VWA3B: variants seen among roughly 807,000 people sequenced by gnomAD.
VWA3B encodes the protein von Willebrand factor A domain-containing protein 3B.
VWA3B carries 138 observed loss-of-function variants against 158.3 expected under a neutral mutation model. The observed-to-expected ratio is 0.87, with a 90% CI of 0.76 to 1.00. VWA3B has a LOEUF of 1.00. Ranked by LOEUF, VWA3B falls within the 50% of genes least tolerant of loss-of-function variation. The probability of loss-of-function intolerance (pLI) is 0.00; values close to 1 mark genes in which losing one functional copy is unlikely to be tolerated. For missense variants in VWA3B, 1,555 were observed against 1,565.1 expected (o/e 0.99, Z 0.11); for synonymous variants, 596 against 587.3 (o/e 1.01, Z -0.21).
At chr2:98,167,963 C>T (rs1232836625) in intron 8 of VWA3B, among the ~76,000 whole-genome samples, 1 of 152,150 alleles carries the variant, frequency 6.6e-6, no homozygotes, top group Non-Finnish European at 1.5e-5. Flanking sequence ...AAAGAACAAA[C>T]TATTTCTAGG....
At chr2:98,182,430 A>G (rs1379814170) in intron 9 of VWA3B, among the ~76,000 whole-genome samples, 2 of 152,238 alleles carry the variant, frequency 1.3e-5, no homozygotes, top group Non-Finnish European at 1.5e-5. Context: ...ACAAACTGCA[A>G]GGAAGAAAAT....
chr2:98,204,537 A>G (rs990350207), intron 12 of VWA3B, among the ~76,000 whole-genome samples: 2 of 152,186 alleles, frequency 1.3e-5, no homozygotes, highest in Non-Finnish European at 2.9e-5. Flanking sequence ...CCAAATTTTG[A>G]ACCAACTCTG....
Position 98,288,650 on chromosome 2 carries a change from A to G in VWA3B, c.3046-1861A>G, listed in dbSNP as rs184511500. ...ATAGTTCGCTATTTTATGATTTGCT[A>G]TATTTAAACTTTTAATTCCACTCTA... On this transcript the variant is annotated intron_variant, in intron 22 of 27. Coordinates refer to ENST00000477737, the MANE Select transcript of VWA3B (RefSeq NM_144992.5). Among the ~76,000 whole-genome samples the G allele has an allele frequency of 6.0e-3, 921 of 152,274 alleles. 6 individuals carry two copies. Among genetic ancestry groups the G allele is most frequent in the African/African-American group, 0.021 (879 of 41,562 alleles).
intron 7 of VWA3B, among the ~76,000 whole-genome samples, chr2:98,157,904 G>T (rs961236724): frequency 2.6e-5 from 4 of 152,180 alleles, no homozygotes; most frequent in African/African-American, 4.8e-5. Flanking sequence ...GATCAGCACC[G>T]CACCTGCCTA....
chr2:98,265,770 TG>T (rs1387062329), intron 21 of VWA3B, among the ~76,000 whole-genome samples: 1 of 149,506 alleles, frequency 6.7e-6, no homozygotes, highest in Non-Finnish European at 1.5e-5. Context: ...ATTGTGGTTT[TG>T]ATTTGCATTT....
intron 8 of VWA3B, among the ~76,000 whole-genome samples, chr2:98,179,762 CCTTT>C (rs1405707916): frequency 3.5e-5 from 5 of 141,082 alleles, no homozygotes; most frequent in Non-Finnish European, 6.2e-5. Context: ...CTCCCTCCTT[CCTTT>C]CTCTCTTTCT....
chr2:98,103,006 T>C (rs1683192301), intron 2 of VWA3B, among the ~76,000 whole-genome samples: 1 of 152,260 alleles, frequency 6.6e-6, no homozygotes, highest in Non-Finnish European at 1.5e-5. Flanking sequence ...AGTATTTTCC[T>C]CAACAGTATT....
chr2:98,240,906 A>T (rs1481446910), intron 19 of VWA3B, among the ~76,000 whole-genome samples: 5 of 152,176 alleles, frequency 3.3e-5, no homozygotes, highest in Admixed American at 3.3e-4. Context: ...TTTTATTATA[A>T]AAATATTCAA....
Position 98,298,373 on chromosome 2 carries a change from G to GATTCTATTCTATTCTATTCTATTCT in VWA3B, c.3282+390_3282+414dup, listed in dbSNP as rs61254436. The stretch of plus-strand genomic sequence containing the variant: ...ACTGTGGACACTTTTAACTACAAAA[G>GATTCTATTCTATTCTATTCTATTCT]ATTCTATTCTATTCTATTCTATTCT... On this transcript the variant is annotated intron_variant, in intron 24 of 27. Coordinates refer to ENST00000477737, the MANE Select transcript of VWA3B (RefSeq NM_144992.5). Among the ~76,000 whole-genome samples the GATTCTATTCTATTCTATTCTATTCT allele has an allele frequency of 1.3e-3, 155 of 122,344 alleles. 1 individual carries two copies. Among genetic ancestry groups the GATTCTATTCTATTCTATTCTATTCT allele is most frequent in the East Asian group, 9.5e-3 (37 of 3,906 alleles). 80.3% of individuals were successfully genotyped at this position (122,344 alleles called of 152,430 possible).
At position 98,185,215 on chromosome 2, in the gene VWA3B, G is replaced by A. The variant is rs1056384033; in HGVS notation, c.1312-2760G>A. ...ATCTGTAGGTTGTTTATTCTCTTGC[G>A]CTATTCCCACCCATCTGTCTCCTCC... On this transcript the variant is annotated intron_variant, in intron 9 of 27. Transcript: ENST00000477737. Among the ~76,000 whole-genome samples the A allele has an allele frequency of 9.9e-5, 15 of 152,152 alleles. No homozygotes were observed. In the Middle Eastern group the frequency reaches 0.01, roughly 104 times the overall value.
chr2:98,181,008 TTCTACAGAG>T lies in VWA3B; in HGVS notation c.1115-5_1118del, dbSNP rs774896502. ...AGTATGAATGGCTGACAAGCTGTGA[TTCTACAGAG>T]TCAGAAACAACCTCTGTTGAGATTG... On this transcript the variant is annotated splice_acceptor_variant and splice_polypyrimidine_tract_variant and coding_sequence_variant and intron_variant, in exon 9 of 28. Coordinates refer to ENST00000477737, the MANE Select transcript of VWA3B (RefSeq NM_144992.5). LOFTEE classifies it high-confidence loss of function. The T allele has an allele frequency of 2.6e-5, 42 of 1,613,528 alleles. No homozygotes were observed. Among genetic ancestry groups the T allele is most frequent in the Non-Finnish European group, 3.6e-5 (42 of 1,179,630 alleles).
intron 8 of VWA3B, among the ~76,000 whole-genome samples, chr2:98,171,554 G>A (rs1263214748): frequency 6.6e-6 from 1 of 152,170 alleles, no homozygotes; most frequent in Non-Finnish European, 1.5e-5. Context: ...AGTCTGGAGA[G>A]GGAAGCAGGG....
intron 14 of VWA3B, among the ~76,000 whole-genome samples, chr2:98,218,336 A>G (rs1684207380): frequency 6.6e-6 from 1 of 152,176 alleles, no homozygotes; most frequent in Non-Finnish European, 1.5e-5. Flanking sequence ...TTATTACAGA[A>G]AGTTTCAAAT....
chr2:98,190,669 GA>G (rs1169384956), intron 10 of VWA3B, among the ~76,000 whole-genome samples: 1 of 152,124 alleles, frequency 6.6e-6, no homozygotes, highest in East Asian at 1.9e-4. Context: ...TCAGTACTTT[GA>G]AAATCCTTCT....
chr2:98,207,676 A>G, intron 12 of VWA3B: 1 of 428,592 alleles, frequency 2.3e-6, no homozygotes, highest in Non-Finnish European at 4.5e-6. Flanking sequence ...CAGTGATGGA[A>G]CCCATTGAAG....
chr2:98,262,242 T>C (rs1687532877), intron 21 of VWA3B, among the ~76,000 whole-genome samples: 1 of 151,858 alleles, frequency 6.6e-6, no homozygotes. Context: ...TTTCACTCTG[T>C]TGATGTGCAG....
At chr2:98,210,031 G>T (rs539183019) in intron 12 of VWA3B, among the ~76,000 whole-genome samples, 25 of 152,270 alleles carry the variant, frequency 1.6e-4, no homozygotes, top group Admixed American at 7.8e-4. Context: ...GCCTGCTGTT[G>T]CTGGGTGACC....
At chr2:98,247,750 G>A (rs1167890688) in intron 19 of VWA3B, among the ~76,000 whole-genome samples, 2 of 151,992 alleles carry the variant, frequency 1.3e-5, no homozygotes, top group Non-Finnish European at 2.9e-5. Context: ...TCTATGTGTG[G>A]ATTTGTTTTT....
chr2:98,132,967 T>C (rs1327739075), intron 6 of VWA3B, among the ~76,000 whole-genome samples: 1 of 152,070 alleles, frequency 6.6e-6, no homozygotes, highest in Non-Finnish European at 1.5e-5. Context: ...CTGAGTTGAG[T>C]GTGTGGTGCT....
Sources: gnomAD v4.1 joint callset for allele counts (sites outside exome capture counted in the v4.1 genomes callset) on GRCh38, gnomAD v4.1.1 for gene constraint, MANE v1.5 for transcripts, NCBI Gene and HGNC (gene_info 2026-07-23, HGNC 2026-07-21) for gene names.